Variants in ZFHX4 observed in about 807,000 individuals in gnomAD.
ZFHX4 encodes the protein zinc finger homeobox protein 4.
In ZFHX4, 56 loss-of-function variants were observed where a neutral mutation model predicts 267.6. The observed-to-expected ratio is 0.21, with a 90% CI of 0.17 to 0.26. The LOEUF (loss-of-function observed/expected upper bound fraction) is 0.26, where lower values mean the gene tolerates loss of function less well. Among genes scored for constraint, ZFHX4 ranks in the 10% least tolerant of loss-of-function variants. The pLI is 1.00. For missense variants in ZFHX4, 4,332 were observed against 4,420.0 expected, an observed-to-expected ratio of 0.98 and a Z score of 0.56; for synonymous variants, 1,778 against 1,665.6, an observed-to-expected ratio of 1.07 and a Z score of -1.64.
chr8:76,835,096 A>G (rs1003469029), intron 5 of ZFHX4, among the ~76,000 whole-genome samples: 4 of 150,274 alleles, frequency 2.7e-5, no homozygotes, highest in Admixed American at 6.7e-5. Flanking sequence ...TAAGCTGGAT[A>G]TTATTTTTCA....
At chr8:76,749,185 C>T (rs1563499563) in intron 3 of ZFHX4, among the ~76,000 whole-genome samples, 1 of 152,138 alleles carries the variant, frequency 6.6e-6, no homozygotes, top group Non-Finnish European at 1.5e-5. Flanking sequence ...TCAGTTGAGT[C>T]CTTCCACCAT....
At chr8:76,848,122 G>A (rs1024022455) in intron 6 of ZFHX4, among the ~76,000 whole-genome samples, 1 of 152,146 alleles carries the variant, frequency 6.6e-6, no homozygotes, top group African/African-American at 2.4e-5. Context: ...GCTATGATGA[G>A]ATTGGAATGG....
At chr8:76,856,596 A>G (rs527439538) in intron 10 of ZFHX4, among the ~76,000 whole-genome samples, 10 of 152,286 alleles carry the variant, frequency 6.6e-5, no homozygotes, top group African/African-American at 2.4e-4. Flanking sequence ...TACTAATTTC[A>G]ATCTTGATTT....
At chr8:76,823,108 G>C (rs1046745761) in intron 4 of ZFHX4, among the ~76,000 whole-genome samples, 1 of 148,726 alleles carries the variant, frequency 6.7e-6, no homozygotes, top group African/African-American at 2.5e-5. Context: ...AATTTGAAGT[G>C]TGATGGATGC....
Position 76,863,785 on chromosome 8 carries a change from G to T in ZFHX4, c.10071G>T (p.Pro3357=). The change falls in exon 11 of 11, where the codon CCG becomes CCT. Residue 3357 remains proline, a synonymous_variant. Coordinates refer to ENST00000651372, the MANE Select transcript of ZFHX4 (RefSeq NM_024721.5). Reference sequence around the variant, plus strand: ...CATCCAAAGTAGAAAGTGACCAGCCGCAAAACTCCAACGATGCTTCAGAAA... The same window carrying T: ...CATCCAAAGTAGAAAGTGACCAGCCTCAAAACTCCAACGATGCTTCAGAAA... ...AKTSKVESDQ[P]QNSNDASETK... 6.4e-7 allele frequency: 1 copy of T among 1,552,180 alleles called. No individual in the cohort carries two copies. Among genetic ancestry groups the T allele is most frequent in the Non-Finnish European group, 8.7e-7 (1 of 1,147,280 alleles).
intron 3 of ZFHX4, among the ~76,000 whole-genome samples, chr8:76,731,783 A>G (rs1020984264): frequency 7.2e-5 from 11 of 151,740 alleles, no homozygotes; most frequent in South Asian, 2.1e-4. Flanking sequence ...TGGACTTACT[A>G]ATTTTAGCTA....
chr8:76,739,916 C>T (rs371741999), intron 3 of ZFHX4, among the ~76,000 whole-genome samples: 27 of 152,230 alleles, frequency 1.8e-4, no homozygotes, highest in Non-Finnish European at 2.5e-4. Flanking sequence ...GTACTTGTAA[C>T]TTTCAGTCTC....
At chr8:76,740,140 T>G (rs1376464423) in intron 3 of ZFHX4, among the ~76,000 whole-genome samples, 1 of 152,156 alleles carries the variant, frequency 6.6e-6, no homozygotes, top group Non-Finnish European at 1.5e-5. Flanking sequence ...TTTTGAAATC[T>G]TTTTTAGTTT....
At position 76,806,831 on chromosome 8, in the gene ZFHX4, C is replaced by A. The variant is rs1454493083; in HGVS notation, c.3326-26507C>A. Among the ~76,000 whole-genome samples, 5 of 151,972 alleles carry A rather than the reference C, an allele frequency of 3.3e-5. No individual in the cohort carries two copies. The East Asian group carries it at 9.6e-4, about 29-fold the overall frequency. On this transcript the variant is annotated intron_variant, in intron 4 of 10. Coordinates refer to ENST00000651372, the MANE Select transcript of ZFHX4 (RefSeq NM_024721.5). ...CCTTGCAAGCCAATTCATAAAGATG[C>A]CTTTTTCACCTCTTTGATGTGATAA...
At chr8:76,788,058 C>T (rs10113110) in intron 4 of ZFHX4, among the ~76,000 whole-genome samples, 9,392 of 151,990 alleles carry the variant, frequency 0.062, 594 homozygotes, top group African/African-American at 0.16. Context: ...TGCTTTTAGG[C>T]TAAATGATTT....
In ZFHX4 at chr8:76,825,142, T is replaced by C. The variant is rs903506683; in HGVS notation, c.3326-8196T>C. Among the ~76,000 whole-genome samples the C allele has an allele frequency of 1.1e-4, 17 of 152,294 alleles. No individual in the cohort carries two copies. In the East Asian group the frequency reaches 2.1e-3, roughly 19 times the overall value. ...CAATCTAAAAAGCCATAGTACCAAATTGATATAGTCTTTTCTTTGAGTAAC... is the reference window on the plus strand; with the variant it reads ...CAATCTAAAAAGCCATAGTACCAAACTGATATAGTCTTTTCTTTGAGTAAC... On this transcript the variant is annotated intron_variant, in intron 4 of 10. Coordinates refer to ENST00000651372, the MANE Select transcript of ZFHX4 (RefSeq NM_024721.5).
chr8:76,859,557 CT>C (rs1211693660), intron 10 of ZFHX4, among the ~76,000 whole-genome samples: 2 of 152,008 alleles, frequency 1.3e-5, no homozygotes, highest in African/African-American at 4.8e-5. Flanking sequence ...CTATTTTTAA[CT>C]TATTTACTTT....
At chr8:76,806,648 T>G (rs958031871) in intron 4 of ZFHX4, among the ~76,000 whole-genome samples, 1 of 152,058 alleles carries the variant, frequency 6.6e-6, no homozygotes, top group African/African-American at 2.4e-5. Flanking sequence ...AACTAAGCTT[T>G]TAATTATTTT....
At chr8:76,841,310 T>A (rs1049699753) in intron 5 of ZFHX4, among the ~76,000 whole-genome samples, 1 of 152,206 alleles carries the variant, frequency 6.6e-6, no homozygotes, top group East Asian at 1.9e-4. Flanking sequence ...AATAGATTTT[T>A]TTTTGGTGCT....
chr8:76,832,373 T>C (rs905122762), intron 4 of ZFHX4, among the ~76,000 whole-genome samples: 3 of 152,146 alleles, frequency 2.0e-5, no homozygotes, highest in East Asian at 3.9e-4. Context: ...ATTTTATGCA[T>C]GAGGGGCTTG....
chr8:76,851,477 G>A lies in ZFHX4; in HGVS notation c.4556G>A (p.Arg1519Gln), dbSNP rs570494581. 14 of 1,613,828 alleles carry A rather than the reference G, an allele frequency of 8.7e-6. No homozygotes were observed. The highest frequency in any genetic ancestry group is 4.5e-5 in the East Asian group (2 of 44,836). ...GATGACATGGGCTCTGAACCAAAGC[G>A]GACCTTACCTTTTAGAAAAGGGCCC... is the stretch of plus-strand genomic sequence containing the variant. ...IPDDMGSEPK[R>Q]TLPFRKGPNF... Residue 1519 changes from arginine to glutamine, a missense_variant, in exon 10 of 11, where the codon CGG becomes CAG. Coordinates refer to ENST00000651372, the MANE Select transcript of ZFHX4 (RefSeq NM_024721.5).
intron 6 of ZFHX4, among the ~76,000 whole-genome samples, chr8:76,844,141 G>C (rs968891884): frequency 5.3e-5 from 8 of 152,146 alleles, no homozygotes; most frequent in African/African-American, 1.9e-4. Context: ...TAATATGAAA[G>C]ACAGTACCAT....
In ZFHX4 at chr8:76,716,239, C is replaced by CA. The variant is rs547827026; in HGVS notation, c.3093+8200dup. 3.2e-3 allele frequency among the ~76,000 whole-genome samples: 479 copies of CA among 150,380 alleles called. 1 individual carries two copies. Among genetic ancestry groups the CA allele is most frequent in the African/African-American group, 0.011 (440 of 41,026 alleles). On this transcript the variant is annotated intron_variant, in intron 3 of 10. Coordinates refer to ENST00000651372, the MANE Select transcript of ZFHX4 (RefSeq NM_024721.5). ...TTATGGGATATTCAGAAGAATTTTA[C>CA]AAAAAAAAACCCTCCTGATGCCAGA...
chr8:76,854,362 T>C lies in ZFHX4; in HGVS notation c.7441T>C (p.Ser2481Pro), dbSNP rs932789281. ...CAGTCCACTGCAAATTTCCATGACG[T>C]CTCTCCAGAACAGTCTACCTCCACA... ...PSSPLQISMT[S>P]LQNSLPPQLL... The change falls in exon 10 of 11, where the codon TCT becomes CCT. Residue 2481 changes from serine to proline, a missense_variant. Transcript: ENST00000651372. The C allele has an allele frequency of 5.6e-6, 9 of 1,613,624 alleles. No individual in the cohort carries two copies. Among genetic ancestry groups the C allele is most frequent in the Non-Finnish European group, 7.6e-6 (9 of 1,179,836 alleles).
Sources: gnomAD v4.1 joint callset for allele counts (sites outside exome capture counted in the v4.1 genomes callset) on GRCh38, gnomAD v4.1.1 for gene constraint, MANE v1.5 for transcripts, NCBI Gene and HGNC (gene_info 2026-07-23, HGNC 2026-07-21) for gene names.